Variants in PIBF1 observed in about 807,000 individuals in gnomAD.
PIBF1 encodes the protein progesterone immunomodulatory binding factor 1.
PIBF1 carries 90 observed loss-of-function variants against 112.5 expected under a neutral mutation model. That is an observed-to-expected ratio of 0.80 (90% CI 0.67 to 0.95). PIBF1 has a LOEUF of 0.95. Ranked by LOEUF, PIBF1 falls within the 40% of genes least tolerant of loss-of-function variation. The pLI, the probability that PIBF1 is intolerant of heterozygous loss-of-function variation, is 0.00. For missense variants in PIBF1, 915 were observed against 852.3 expected (o/e 1.07, Z -0.92); for synonymous variants, 301 against 288.6 (o/e 1.04, Z -0.44).
chr13:72,789,379 G>A (rs1020573377), intron 2 of PIBF1, among the ~76,000 whole-genome samples: 2 of 151,966 alleles, frequency 1.3e-5, no homozygotes, highest in African/African-American at 4.8e-5. Context: ...TAGAAACAGG[G>A]TCTCACTATG....
At chr13:72,822,111 G>A in intron 6 of PIBF1, 129 bp downstream of exon 6, 1 of 735,016 alleles carries the variant, frequency 1.4e-6, no homozygotes, top group Non-Finnish European at 2.1e-6. Context: ...AATGCATGCA[G>A]TTTTGGCAGT....
At chr13:72,954,991 T>C (rs953897640) in intron 14 of PIBF1, among the ~76,000 whole-genome samples, 1 of 152,122 alleles carries the variant, frequency 6.6e-6, no homozygotes, top group African/African-American at 2.4e-5. Flanking sequence ...TCCTCTAGGA[T>C]TGGAGGAAAC....
At chr13:72,873,295 A>C (rs2039241889) in intron 10 of PIBF1, among the ~76,000 whole-genome samples, 1 of 152,136 alleles carries the variant, frequency 6.6e-6, no homozygotes, top group African/African-American at 2.4e-5. Context: ...TCATACATCT[A>C]AATGTAAGAT....
At chr13:72,935,216 C>T (rs1594228809) in intron 14 of PIBF1, among the ~76,000 whole-genome samples, 1 of 152,132 alleles carries the variant, frequency 6.6e-6, no homozygotes, top group African/African-American at 2.4e-5. Context: ...GAACTCCTGA[C>T]CTTGTGATCC....
chr13:73,015,812 C>T, intron 17 of PIBF1, 57 bp from the exon 18 acceptor site: 5 of 1,058,876 alleles, frequency 4.7e-6, no homozygotes, highest in South Asian at 1.5e-5. Context: ...TCTGAGTTGC[C>T]TCTCTTGTCC....
chr13:72,921,720 C>G (rs1224427118), intron 13 of PIBF1, among the ~76,000 whole-genome samples: 1 of 152,006 alleles, frequency 6.6e-6, no homozygotes, highest in African/African-American at 2.4e-5. Context: ...TATTGCAACC[C>G]AGGCAATACC....
At chr13:72,842,519 T>C (rs926598743) in intron 9 of PIBF1, among the ~76,000 whole-genome samples, 1 of 152,216 alleles carries the variant, frequency 6.6e-6, no homozygotes, top group African/African-American at 2.4e-5. Context: ...ACTTTAATGA[T>C]ATAAACTTGA....
chr13:72,793,574 G>T (rs1263104592), intron 3 of PIBF1, among the ~76,000 whole-genome samples: 1 of 152,174 alleles, frequency 6.6e-6, no homozygotes, highest in Non-Finnish European at 1.5e-5. Flanking sequence ...TTGATAATAG[G>T]TCTTCTATGC....
At chr13:72,788,254 A>G (rs771254834) in intron 2 of PIBF1, among the ~76,000 whole-genome samples, 7 of 152,148 alleles carry the variant, frequency 4.6e-5, no homozygotes, top group Non-Finnish European at 8.8e-5. Flanking sequence ...GTTAATAAAT[A>G]TTATAGGTAT....
At chr13:72,968,291 T>TGTTGTA (rs754797925) in intron 15 of PIBF1, among the ~76,000 whole-genome samples, 1 of 151,678 alleles carries the variant, frequency 6.6e-6, no homozygotes, top group Admixed American at 6.6e-5. Flanking sequence ...TTGTTGTTGT[T>TGTTGTA]GTTCTTTTTT....
chr13:72,810,252 G>A (rs938453161), intron 5 of PIBF1, among the ~76,000 whole-genome samples: 2 of 152,130 alleles, frequency 1.3e-5, no homozygotes, highest in Admixed American at 6.6e-5. Flanking sequence ...ATATGTTGCT[G>A]TTTTGCTATT....
At chr13:72,963,375 C>G (rs1330075559) in intron 14 of PIBF1, among the ~76,000 whole-genome samples, 1 of 152,196 alleles carries the variant, frequency 6.6e-6, no homozygotes, top group Non-Finnish European at 1.5e-5. Context: ...AGGCAGATCA[C>G]TTGAAGTCAG....
chr13:72,980,748 T>A (rs1478943016), intron 16 of PIBF1, among the ~76,000 whole-genome samples: 1 of 148,674 alleles, frequency 6.7e-6, no homozygotes, highest in Non-Finnish European at 1.5e-5. Context: ...GAGGTTGCAG[T>A]GAGCCAAGAT....
rs1316909441 is a variant in PIBF1, at chr13:72,823,390, G to A, written c.806+1408G>A. Among the ~76,000 whole-genome samples the A allele has an allele frequency of 4.6e-5, 7 of 151,984 alleles. No individual in the cohort carries two copies. In the East Asian group the frequency reaches 1.4e-3, roughly 29 times the overall value. On this transcript the variant is annotated intron_variant, in intron 6 of 17. Coordinates refer to ENST00000326291, the MANE Select transcript of PIBF1 (RefSeq NM_006346.4). ...TTTCATTTACTATAATAAAAACCTA[G>A]GAAAGAAAAATATAACCTTGATCAA...
intron 16 of PIBF1, among the ~76,000 whole-genome samples, chr13:72,997,071 A>C (rs962760175): frequency 2.0e-5 from 3 of 152,180 alleles, no homozygotes; most frequent in Non-Finnish European, 4.4e-5. Context: ...TTTCCCTTCT[A>C]ATCTCCTGAC....
At chr13:72,830,778 G>T (rs1044924603) in intron 8 of PIBF1, among the ~76,000 whole-genome samples, 1 of 152,138 alleles carries the variant, frequency 6.6e-6, no homozygotes, top group Non-Finnish European at 1.5e-5. Flanking sequence ...TTAGGATGAT[G>T]CTGGCCTCAT....
intron 10 of PIBF1, among the ~76,000 whole-genome samples, chr13:72,863,725 A>T (rs1164431361): frequency 6.6e-6 from 1 of 152,134 alleles, no homozygotes; most frequent in Non-Finnish European, 1.5e-5. Context: ...ATACAGAATT[A>T]AAACTATTCT....
intron 17 of PIBF1, among the ~76,000 whole-genome samples, chr13:73,012,982 C>T (rs1192891354): frequency 6.6e-6 from 1 of 151,634 alleles, no homozygotes; most frequent in Non-Finnish European, 1.5e-5. Flanking sequence ...AGGATGACTA[C>T]AAAAGCTATA....
At chr13:72,782,902 G>GTGTT (rs1555278832) in intron 1 of PIBF1, among the ~76,000 whole-genome samples, 16 of 148,504 alleles carry the variant, frequency 1.1e-4, no homozygotes, top group South Asian at 8.4e-4. Flanking sequence ...GTGTGTGTGT[G>GTGTT]TGTGTTTGTG....
Sources: allele counts gnomAD v4.1 joint callset (sites outside exome capture counted in the v4.1 genomes callset), GRCh38; gene constraint gnomAD v4.1.1; transcripts MANE v1.5; gene names NCBI Gene and HGNC (gene_info 2026-07-23, HGNC 2026-07-21).